Variants in ZNF287 observed in about 807,000 individuals in gnomAD.
ZNF287 encodes the protein zinc finger protein 287.
Under a neutral mutation model 73.7 loss-of-function variants are expected in ZNF287, and 31 were observed. The observed-to-expected ratio is 0.42, with a 90% CI of 0.32 to 0.57. The LOEUF (loss-of-function observed/expected upper bound fraction) is 0.57. Among genes scored for constraint, ZNF287 ranks in the 20% least tolerant of loss-of-function variants. The pLI is 0.13. For missense variants in ZNF287, 641 were observed against 909.3 expected (o/e 0.70, Z 3.79); for synonymous variants, 301 against 307.2 (o/e 0.98, Z 0.21).
At chr17:16,555,640 A>ACACACC (rs1258986466) in intron 5 of ZNF287, among the ~76,000 whole-genome samples, 3 of 147,478 alleles carry the variant, frequency 2.0e-5, no homozygotes, top group African/African-American at 7.7e-5. Flanking sequence ...ACACACACAC[A>ACACACC]CCCCAAACCA....
rs1040794222 is a variant in ZNF287 at position 16,567,922 on chromosome 17, A to G, written c.-191T>C. On this transcript the variant is annotated 5_prime_UTR_variant, in exon 2 of 6. Transcript: ENST00000395825. ...GAGCCCAGAACTTGCAGGGATGGAT[A>G]AGAGACCCTGAAACACAAGCATGGA... 1 of 1,422,488 alleles carries G rather than the reference A, an allele frequency of 7.0e-7. No individual in the cohort carries two copies. Among genetic ancestry groups the G allele is most frequent in the Non-Finnish European group, 9.1e-7 (1 of 1,093,980 alleles). 88.1% of individuals were successfully genotyped at this position (1,422,488 alleles called of 1,614,324 possible). A position where few individuals can be genotyped will look rare whatever the true frequency, so the allele number is the denominator to read the frequency against.
At position 16,552,013 on chromosome 17, in the gene ZNF287, T is replaced by C. The variant is rs575609035; in HGVS notation, c.2129A>G (p.Asp710Gly). The C allele has an allele frequency of 1.9e-6, 3 of 1,614,098 alleles. No homozygotes were observed. The highest frequency in any genetic ancestry group is 1.7e-5 in the Admixed American group (1 of 60,022). Residue 710 changes from aspartate (D) to glycine (G), a missense_variant, in exon 6 of 6, where the codon GAT (aspartate) becomes GGT (glycine). Physicochemically the swap from Asp to Gly is moderately conservative, Grantham distance 94. Around this residue, in one of 2 missense-constraint regions of ZNF287, gnomAD observed 284 missense variants for 466.8 expected, o/e 0.61. Coordinates refer to ENST00000395825, the MANE Select transcript of ZNF287 (RefSeq NM_020653.4). The surrounding 1 kb of genome is among the most constrained non-coding windows in gnomAD (Gnocchi z 6.5). ...GERPYKCNEC[D>G]KDFSQRTCLI... Reference sequence around the variant, plus strand: ...GCATGTTCTCTGGCTAAAATCCTTATCACATTCATTACATTTATAGGGTCT... The same window carrying C: ...GCATGTTCTCTGGCTAAAATCCTTACCACATTCATTACATTTATAGGGTCT...
Position 16,567,382 on chromosome 17 carries a change from C to A in ZNF287, c.350G>T (p.Ser117Ile), listed in dbSNP as rs1428139245. Residue 117 changes from serine to isoleucine, a missense_variant, in exon 2 of 6, where the codon AGC becomes ATC. By Grantham distance (142) the Ser-to-Ile change is moderately radical. This residue lies in a region of ZNF287 where 357 missense variants were observed against 442.4 expected (regional missense o/e 0.81). Transcript: ENST00000395825. ...CTCCACCAGAGTCACTGCTTCCTCG[C>A]TGCTCTCTGGATACTGGGACTTTAC... ...TWVKSQYPES[S>I]EEAVTLVEDL... is the part of the protein sequence containing the mutation. 1 of 1,614,188 alleles carries A rather than the reference C, an allele frequency of 6.2e-7. No individual in the cohort carries two copies. Among genetic ancestry groups the A allele is most frequent in the Non-Finnish European group, 8.5e-7 (1 of 1,180,028 alleles).
At chr17:16,556,698 AGATG>A (rs1404901342) in intron 5 of ZNF287, among the ~76,000 whole-genome samples, 1 of 152,194 alleles carries the variant, frequency 6.6e-6, no homozygotes, top group African/African-American at 2.4e-5. Flanking sequence ...AAAAGAGATG[AGATG>A]ATACCAGAAG....
intron 3 of ZNF287, 85 bp from the exon 4 acceptor site, chr17:16,563,910 G>T: frequency 1.4e-6 from 2 of 1,474,188 alleles, no homozygotes; most frequent in South Asian, 1.4e-5. Context: ...TATGGTGGGG[G>T]ACTGTCACAG....
chr17:16,550,698 G>A lies in ZNF287; in HGVS notation c.*1158C>T, dbSNP rs900252171. Among the ~76,000 whole-genome samples, 4 of 152,108 alleles carry A rather than the reference G, an allele frequency of 2.6e-5. No homozygotes were observed. The highest frequency in any genetic ancestry group is 9.7e-5 in the African/African-American group (4 of 41,420). On this transcript the variant is annotated 3_prime_UTR_variant, in exon 6 of 6. Coordinates refer to ENST00000395825, the MANE Select transcript of ZNF287 (RefSeq NM_020653.4). The stretch of plus-strand genomic sequence containing the variant: ...TTTCAGCACTGTAACAAGCTTGAGA[G>A]GATCCAATTAGGAAGTTTGGGACCT...
chr17:16,553,794 T>G (rs79792914), intron 5 of ZNF287, among the ~76,000 whole-genome samples: 70 of 152,360 alleles, frequency 4.6e-4, no homozygotes, highest in African/African-American at 1.7e-3. Flanking sequence ...TCACTCTCTC[T>G]TCCAATCTGC....
In ZNF287 at chr17:16,551,129, C is replaced by T. The variant is rs1906625317; in HGVS notation, c.*727G>A. Among the ~76,000 whole-genome samples, 1 of 151,948 alleles carries T rather than the reference C, an allele frequency of 6.6e-6. No individual in the cohort carries two copies. The highest frequency in any genetic ancestry group is 2.4e-5 in the African/African-American group (1 of 41,370). On this transcript the variant is annotated 3_prime_UTR_variant, in exon 6 of 6. Transcript: ENST00000395825. ...TGTTTTTTTTTCAAACCTACTGGCT[C>T]CATATGGCAGTTATGGCATAACAGG...
At chr17:16,567,288 C>T (rs749808196) in intron 2 of ZNF287, 41 bp downstream of exon 2, 2 of 1,568,492 alleles carry the variant, frequency 1.3e-6, no homozygotes, top group South Asian at 1.2e-5. Flanking sequence ...TCTTCTTTAA[C>T]CACCCAGGGA....
chr17:16,563,941 T>G (rs1028710247), intron 3 of ZNF287, 116 bp from the exon 4 acceptor site: 23 of 1,259,426 alleles, frequency 1.8e-5, no homozygotes, highest in East Asian at 1.3e-4. Context: ...TTTAGTAGGA[T>G]CCTAGAAGTT....
At chr17:16,563,943 C>A (rs1907596014) in intron 3 of ZNF287, 118 bp from the exon 4 acceptor site, 4 of 1,243,888 alleles carry the variant, frequency 3.2e-6, no homozygotes, top group Non-Finnish European at 4.4e-6. Context: ...TAGTAGGATC[C>A]TAGAAGTTGT....
In ZNF287 at chr17:16,567,623, G is replaced by C. The variant is rs750914078; in HGVS notation, c.109C>G (p.Leu37Val). Residue 37 changes from leucine to valine, a missense_variant, in exon 2 of 6, where the codon CTT (leucine) becomes GTT (valine). Physicochemically the swap from Leu to Val is conservative, Grantham distance 32 (BLOSUM62 1). Coordinates refer to ENST00000395825, the MANE Select transcript of ZNF287 (RefSeq NM_020653.4). ...SGPYNVEKEI[L>V]TSRFLRDTET... The stretch of plus-strand genomic sequence containing the variant: ...GTGTCACGCAAGAATCTTGAAGTAA[G>C]GATTTCCTTCTCAACATTGTAGGGT... 1.2e-6 allele frequency: 2 copies of C among 1,614,174 alleles called. No homozygotes were observed. Among genetic ancestry groups the C allele is most frequent in the Non-Finnish European group, 1.7e-6 (2 of 1,180,030 alleles).
intron 5 of ZNF287, among the ~76,000 whole-genome samples, chr17:16,560,604 T>A (rs1221628939): frequency 1.3e-5 from 2 of 151,834 alleles, no homozygotes; most frequent in Non-Finnish European, 2.9e-5. Flanking sequence ...CACCTTGGCC[T>A]CCCAAAGTGC....
rs920017474 is a variant in ZNF287, at chr17:16,550,601, C to A, written c.*1255G>T. Among the ~76,000 whole-genome samples, 13 of 152,130 alleles carry A rather than the reference C, an allele frequency of 8.5e-5. No individual in the cohort carries two copies. The highest frequency in any genetic ancestry group is 2.7e-4 in the African/African-American group (11 of 41,436). ...TTTTAGCAGGTTGCTTATGCTCAAC[C>A]CATGACAAAATATCACATCCTCACT... is the stretch of plus-strand genomic sequence containing the variant. On this transcript the variant is annotated 3_prime_UTR_variant, in exon 6 of 6. Coordinates refer to ENST00000395825, the MANE Select transcript of ZNF287 (RefSeq NM_020653.4).
chr17:16,567,411 A>G lies in ZNF287; in HGVS notation c.321T>C (p.Thr107=). 1 of 1,614,144 alleles carries G rather than the reference A, an allele frequency of 6.2e-7. No individual in the cohort carries two copies. Residue 107 remains threonine (T), a synonymous_variant, in exon 2 of 6, where the codon ACT becomes ACC. Coordinates refer to ENST00000395825, the MANE Select transcript of ZNF287 (RefSeq NM_020653.4). ...TCTCTGGATACTGGGACTTTACCCA[A>G]GTCCTAACCTCACCAGGCAGGATGG... ...FLTILPGEVR[T]WVKSQYPESS... is the part of the protein sequence containing the mutation.
intron 5 of ZNF287, chr17:16,558,930 T>C (rs1907243796): frequency 7.9e-5 from 12 of 152,138 alleles, no homozygotes; most frequent in Admixed American, 7.2e-4. Context: ...TGAGCCATGA[T>C]CACACCATTG....
In ZNF287 at chr17:16,567,175, T is replaced by C. The variant is rs1160980368; in HGVS notation, c.403+154A>G. On this transcript the variant is annotated intron_variant, in intron 2 of 5. Coordinates refer to ENST00000395825, the MANE Select transcript of ZNF287 (RefSeq NM_020653.4). ...ATGTTAAAGCCTTGTTCTCACTCAC[T>C]AACCTTTGTTCTCCCCAGTTTCTTT... 1.5e-4 allele frequency among the ~76,000 whole-genome samples: 23 copies of C among 152,326 alleles called. 1 individual carries two copies. Among genetic ancestry groups the C allele is most frequent in the Admixed American group, 1.4e-3 (22 of 15,302 alleles).
intron 5 of ZNF287, among the ~76,000 whole-genome samples, chr17:16,557,714 G>A (rs1597467549): frequency 6.6e-6 from 1 of 152,238 alleles, no homozygotes; most frequent in South Asian, 2.1e-4. Context: ...CATTTTGAGG[G>A]TACAAGGGAC....
In ZNF287 at chr17:16,553,318, C is replaced by T; in HGVS notation, c.824G>A (p.Arg275Lys). 6.2e-7 allele frequency: 1 copy of T among 1,613,932 alleles called. No individual in the cohort carries two copies. The highest frequency in any genetic ancestry group is 1.3e-5 in the African/African-American group (1 of 75,034). The part of the protein sequence containing the change: ...KLEDSYDYDD[R>K]LERRGKGGFW... Reference sequence around the variant, plus strand: ...GCCACCTTTTCCTCGCCTCTCTAGTCTATCATCGTAGTCATATGAGTCTTC... The same window carrying T: ...GCCACCTTTTCCTCGCCTCTCTAGTTTATCATCGTAGTCATATGAGTCTTC... Residue 275 changes from arginine to lysine, a missense_variant, in exon 6 of 6, where the codon AGA becomes AAA. Coordinates refer to ENST00000395825, the MANE Select transcript of ZNF287 (RefSeq NM_020653.4).
Sources: gnomAD v4.1 joint callset for allele counts (sites outside exome capture counted in the v4.1 genomes callset) on GRCh38, gnomAD v4.1.1 for gene constraint, gnomAD v4.1.1 regional missense constraint, Gnocchi (gnomAD v3.1) non-coding constraint, MANE v1.5 for transcripts, NCBI Gene and HGNC (gene_info 2026-07-23, HGNC 2026-07-21) for gene names.